The following NRG3 variants were observed in gnomAD, a reference collection of about 807,000 sequenced individuals.
The protein encoded by NRG3 is neuregulin 3.
Under a neutral mutation model 66.9 loss-of-function variants are expected in NRG3, and 31 were observed. The observed-to-expected ratio is 0.46, with a 90% CI of 0.35 to 0.63. The LOEUF is 0.63. Ranked by LOEUF, NRG3 falls within the 20% of genes least tolerant of loss-of-function variation. NRG3 has a pLI of 0.00. For synonymous variants in NRG3, 393 were observed against 359.4 expected (o/e 1.09, Z -1.06); for missense variants, 910 against 878.9 (o/e 1.04, Z -0.45).
At chr10:82,759,347 A>G (rs888339407) in intron 3 of NRG3, among the ~76,000 whole-genome samples, 7 of 152,044 alleles carry the variant, frequency 4.6e-5, no homozygotes, top group Non-Finnish European at 1.0e-4. Context: ...TGTTAGCCAA[A>G]TAAACCTCTT....
chr10:81,982,205 T>G (rs760207018), intron 1 of NRG3, among the ~76,000 whole-genome samples: 7 of 152,320 alleles, frequency 4.6e-5, no homozygotes, highest in Non-Finnish European at 8.8e-5. Context: ...CACCTACAAT[T>G]TCTACTTTCC....
At chr10:81,939,432 C>T (rs893706713) in intron 1 of NRG3, among the ~76,000 whole-genome samples, 2 of 151,826 alleles carry the variant, frequency 1.3e-5, no homozygotes, top group African/African-American at 4.8e-5. Context: ...TTTTTTATTA[C>T]TCATTCAATA....
At chr10:81,949,339 G>T (rs532336971) in intron 1 of NRG3, among the ~76,000 whole-genome samples, 1 of 152,264 alleles carries the variant, frequency 6.6e-6, no homozygotes, top group South Asian at 2.1e-4. Flanking sequence ...TTGGGGCAAG[G>T]TTAATAAATT....
chr10:82,386,765 T>C (rs375365013), intron 2 of NRG3, among the ~76,000 whole-genome samples: 5 of 152,122 alleles, frequency 3.3e-5, no homozygotes, highest in African/African-American at 1.2e-4. Flanking sequence ...GTTAGTTCAG[T>C]CTTGGCAGGT....
chr10:82,168,702 C>A (rs1476568779), intron 1 of NRG3, among the ~76,000 whole-genome samples: 2 of 152,118 alleles, frequency 1.3e-5, no homozygotes, highest in East Asian at 3.9e-4. Context: ...ATTAACCCAG[C>A]AGTGTGGAGT....
At chr10:82,755,123 T>G (rs2059025328) in intron 3 of NRG3, among the ~76,000 whole-genome samples, 1 of 152,062 alleles carries the variant, frequency 6.6e-6, no homozygotes, top group South Asian at 2.1e-4. Flanking sequence ...GTTTGAGTTT[T>G]TTTCCTGTTC....
intron 4 of NRG3, among the ~76,000 whole-genome samples, chr10:82,930,377 ACTAT>A (rs1847448083): frequency 6.6e-6 from 1 of 152,226 alleles, no homozygotes; most frequent in Non-Finnish European, 1.5e-5. Flanking sequence ...TATAAACAGG[ACTAT>A]CTGTCTTCAG....
rs73304643 is a variant in NRG3 at position 82,233,678 on chromosome 10, C to T, written c.824-125061C>T. ...GTCCAAAACATACCTCTTGGTTCTC[C>T]TCCCCACTCTTGCTTCTCCCTCAGT... On this transcript the variant is annotated intron_variant, in intron 1 of 8. Transcript: ENST00000372141. 5.1e-3 allele frequency among the ~76,000 whole-genome samples: 780 copies of T among 152,140 alleles called. 10 individuals carry two copies. The highest frequency in any genetic ancestry group is 0.018 in the African/African-American group (755 of 41,530).
chr10:82,490,765 T>C (rs1235740244), intron 2 of NRG3, among the ~76,000 whole-genome samples: 5 of 152,122 alleles, frequency 3.3e-5, no homozygotes, highest in Non-Finnish European at 7.4e-5. Flanking sequence ...ACCAGCTGCC[T>C]CTCTCATCTC....
intron 2 of NRG3, among the ~76,000 whole-genome samples, chr10:82,584,590 G>C (rs190679788): frequency 6.6e-6 from 1 of 152,256 alleles, no homozygotes; most frequent in East Asian, 1.9e-4. Context: ...TTTCCTTTGG[G>C]AATGAATATT....
chr10:82,483,796 A>G (rs1842470786), intron 2 of NRG3, among the ~76,000 whole-genome samples: 1 of 152,152 alleles, frequency 6.6e-6, no homozygotes, highest in Non-Finnish European at 1.5e-5. Flanking sequence ...GGTGGATTTC[A>G]TGACTGTATG....
intron 1 of NRG3, among the ~76,000 whole-genome samples, chr10:82,303,596 A>G (rs1209731196): frequency 1.3e-5 from 2 of 152,164 alleles, no homozygotes; most frequent in Non-Finnish European, 2.9e-5. Flanking sequence ...TGTGCTGGGC[A>G]CGGTGGCTCA....
intron 2 of NRG3, among the ~76,000 whole-genome samples, chr10:82,724,983 C>G (rs376466073): frequency 6.3e-4 from 96 of 152,334 alleles, no homozygotes; most frequent in African/African-American, 2.3e-3. Context: ...ATAACACACT[C>G]TCTCCTTCTG....
chr10:82,105,978 A>C (rs1294045063), intron 1 of NRG3, among the ~76,000 whole-genome samples: 1 of 152,122 alleles, frequency 6.6e-6, no homozygotes, highest in Non-Finnish European at 1.5e-5. Context: ...GACCTGAGGG[A>C]TATTTATTAC....
Position 82,307,439 on chromosome 10 carries a change from G to A in NRG3, c.824-51300G>A, listed in dbSNP as rs2080803290. 2.0e-5 allele frequency among the ~76,000 whole-genome samples: 3 copies of A among 152,168 alleles called. No individual in the cohort carries two copies. In the South Asian group the frequency reaches 6.2e-4, roughly 32 times the overall value. On this transcript the variant is annotated intron_variant, in intron 1 of 8. Transcript: ENST00000372141. ...CACTGGTTCATATTTTTTTCATTGT[G>A]TATATCGTAGGTTGTTACATTATGT...
At chr10:82,791,479 A>C (rs914333892) in intron 3 of NRG3, among the ~76,000 whole-genome samples, 3 of 149,468 alleles carry the variant, frequency 2.0e-5, no homozygotes, top group Non-Finnish European at 4.5e-5. Flanking sequence ...TTTGCCAAAT[A>C]TTCACATTTG....
At chr10:82,482,827 G>C (rs928612257) in intron 2 of NRG3, among the ~76,000 whole-genome samples, 7 of 152,168 alleles carry the variant, frequency 4.6e-5, no homozygotes, top group Non-Finnish European at 8.8e-5. Context: ...TAGTGAGTAG[G>C]AGATTGTGGT....
chr10:82,557,086 T>C (rs941584824), intron 2 of NRG3, among the ~76,000 whole-genome samples: 2 of 152,212 alleles, frequency 1.3e-5, no homozygotes, highest in African/African-American at 4.8e-5. Context: ...TTGTGAGTAA[T>C]GCTGCAATGA....
At chr10:82,064,288 C>T (rs753064175) in intron 1 of NRG3, among the ~76,000 whole-genome samples, 1 of 152,016 alleles carries the variant, frequency 6.6e-6, no homozygotes, top group African/African-American at 2.4e-5. Context: ...CCTGGTCCAC[C>T]TCACAGGGCT....
Sources: gnomAD v4.1 joint callset for allele counts (sites outside exome capture counted in the v4.1 genomes callset) on GRCh38, gnomAD v4.1.1 for gene constraint, MANE v1.5 for transcripts, NCBI Gene and HGNC (gene_info 2026-07-23, HGNC 2026-07-21) for gene names.